Variants in SLIT3 observed in about 807,000 individuals in gnomAD.
The protein encoded by SLIT3 is slit guidance ligand 3.
Under a neutral mutation model 184.0 loss-of-function variants are expected in SLIT3, and 68 were observed. The observed-to-expected ratio is 0.37, with a 90% CI of 0.30 to 0.45. The LOEUF is 0.45. SLIT3 is among the 20% of genes least tolerant of loss of function. The probability of loss-of-function intolerance (pLI) is 1.00; values close to 1 mark genes in which losing one functional copy is unlikely to be tolerated. For synonymous variants in SLIT3, 831 were observed against 828.6 expected, an observed-to-expected ratio of 1.00 and a Z score of -0.05; for missense variants, 1,707 against 2,026.0, an observed-to-expected ratio of 0.84 and a Z score of 3.02.
chr5:168,671,194 T>C lies in SLIT3; in HGVS notation c.4127+4A>G, dbSNP rs542165414. ...CACACAGCCAGGGCTCCTGGGACAC[T>C]GACCTGTGGCCGAGGCAGGGGTCCC... On this transcript the variant is annotated splice_donor_region_variant and intron_variant, in intron 34 of 35. Coordinates refer to ENST00000519560, the MANE Select transcript of SLIT3 (RefSeq NM_003062.4). 1.9e-6 allele frequency: 3 copies of C among 1,604,140 alleles called. No homozygotes were observed. Among genetic ancestry groups the C allele is most frequent in the East Asian group, 2.2e-5 (1 of 44,618 alleles).
At chr5:169,079,919 G>C (rs1168339164) in intron 4 of SLIT3, among the ~76,000 whole-genome samples, 2 of 148,102 alleles carry the variant, frequency 1.4e-5, no homozygotes, top group Non-Finnish European at 3.0e-5. Flanking sequence ...AGAGGAGGAA[G>C]AGGAATGGCA....
rs1311343074 is a variant in SLIT3 at position 169,301,043 on chromosome 5, G to A, written c.-334C>T. Reference sequence around the variant, plus strand: ...AGCGCAATGGGGCGTGGCGCCCGGGGAGGTCCGGCTTGGGGCTGGGCTGGG... The same window carrying A: ...AGCGCAATGGGGCGTGGCGCCCGGGAAGGTCCGGCTTGGGGCTGGGCTGGG... On this transcript the variant is annotated 5_prime_UTR_variant, in exon 1 of 36. Coordinates refer to ENST00000519560, the MANE Select transcript of SLIT3 (RefSeq NM_003062.4). 6.5e-6 allele frequency: 1 copy of A among 154,550 alleles called. No individual in the cohort carries two copies. The highest frequency in any genetic ancestry group is 2.4e-5 in the African/African-American group (1 of 41,434). 9.6% of individuals were successfully genotyped at this position (154,550 alleles called of 1,614,324 possible).
chr5:169,174,722 A>G (rs939867067), intron 4 of SLIT3, among the ~76,000 whole-genome samples: 1 of 152,132 alleles, frequency 6.6e-6, no homozygotes, highest in African/African-American at 2.4e-5. Flanking sequence ...ATCTATGAAA[A>G]ATCCAGGAGA....
At chr5:169,244,813 C>G (rs1289464953) in intron 2 of SLIT3, 37 bp from the exon 3 acceptor site, 2 of 1,592,898 alleles carry the variant, frequency 1.3e-6, no homozygotes, top group South Asian at 2.2e-5. Context: ...AAGGACAAAG[C>G]TGGGCTCAGG....
At chr5:168,869,996 C>A (rs1046014945) in intron 5 of SLIT3, among the ~76,000 whole-genome samples, 12 of 152,228 alleles carry the variant, frequency 7.9e-5, no homozygotes, top group Non-Finnish European at 2.9e-5. Flanking sequence ...GTGGCAGACA[C>A]AGAAGTGCTC....
At chr5:168,732,548 T>G (rs916332812) in intron 20 of SLIT3, among the ~76,000 whole-genome samples, 4 of 152,140 alleles carry the variant, frequency 2.6e-5, no homozygotes, top group African/African-American at 4.8e-5. Context: ...GCTGGAGGCA[T>G]CATATTACCT....
At chr5:168,982,874 GAGTGT>G (rs1754997922) in intron 4 of SLIT3, among the ~76,000 whole-genome samples, 1 of 152,152 alleles carries the variant, frequency 6.6e-6, no homozygotes. Flanking sequence ...GATATTTCTG[GAGTGT>G]AATCTTGTTA....
At chr5:168,878,587 G>A (rs1759828193) in intron 5 of SLIT3, among the ~76,000 whole-genome samples, 1 of 152,230 alleles carries the variant, frequency 6.6e-6, no homozygotes, top group African/African-American at 2.4e-5. Context: ...AGATGGTTGG[G>A]TGTGTTACTG....
At chr5:169,295,083 T>G (rs1302892252) in intron 1 of SLIT3, among the ~76,000 whole-genome samples, 2 of 152,222 alleles carry the variant, frequency 1.3e-5, no homozygotes, top group East Asian at 3.9e-4. Context: ...GTAGACTTTG[T>G]CAACACTATA....
In SLIT3 at chr5:169,259,722, G is replaced by T. The variant is rs905802486; in HGVS notation, c.198-8263C>A. Reference sequence around the variant, plus strand: ...TGATGTCTAGGAGATCCTTGTGATGGGTAGGAGGCTGAACTACATGACCTA... The same window carrying T: ...TGATGTCTAGGAGATCCTTGTGATGTGTAGGAGGCTGAACTACATGACCTA... On this transcript the variant is annotated intron_variant, in intron 1 of 35. Coordinates refer to ENST00000519560, the MANE Select transcript of SLIT3 (RefSeq NM_003062.4). Among the ~76,000 whole-genome samples, 7 of 152,158 alleles carry T rather than the reference G, an allele frequency of 4.6e-5. No homozygotes were observed. In the East Asian group the frequency reaches 1.3e-3, roughly 29 times the overall value.
chr5:168,853,980 G>A (rs1295972676), intron 5 of SLIT3, among the ~76,000 whole-genome samples: 5 of 152,094 alleles, frequency 3.3e-5, no homozygotes, highest in Non-Finnish European at 7.3e-5. Context: ...AGGGCCCTTC[G>A]GTCATCCCTT....
intron 5 of SLIT3, among the ~76,000 whole-genome samples, chr5:168,871,266 A>G (rs570973885): frequency 6.6e-6 from 1 of 152,276 alleles, no homozygotes; most frequent in Admixed American, 6.5e-5. Flanking sequence ...AGGATAATCT[A>G]TCCACTTGAA....
At chr5:169,004,570 ATTC>A (rs1420889856) in intron 4 of SLIT3, among the ~76,000 whole-genome samples, 1 of 152,114 alleles carries the variant, frequency 6.6e-6, no homozygotes, top group African/African-American at 2.4e-5. Flanking sequence ...CTGAGTGAAA[ATTC>A]TGCCTCTGCG....
chr5:169,220,191 C>G (rs1180282363), intron 3 of SLIT3, among the ~76,000 whole-genome samples: 1 of 152,130 alleles, frequency 6.6e-6, no homozygotes, highest in Non-Finnish European at 1.5e-5. Flanking sequence ...GCTCTGGACA[C>G]CACAGTGCCC....
chr5:169,141,749 A>G (rs1335076983), intron 4 of SLIT3, among the ~76,000 whole-genome samples: 1 of 139,512 alleles, frequency 7.2e-6, no homozygotes, highest in Non-Finnish European at 1.5e-5. Context: ...AAAAAAAGAA[A>G]AAAAAAAAAG....
intron 3 of SLIT3, among the ~76,000 whole-genome samples, chr5:169,207,013 T>A (rs1764091475): frequency 6.6e-6 from 1 of 151,346 alleles, no homozygotes; most frequent in South Asian, 2.1e-4. Flanking sequence ...GATTGCATTG[T>A]CACTTCGATC....
chr5:169,081,770 C>T (rs772977971), intron 4 of SLIT3, among the ~76,000 whole-genome samples: 8 of 152,136 alleles, frequency 5.3e-5, no homozygotes, highest in African/African-American at 7.2e-5. Context: ...GAATAACCCC[C>T]GAATGTATTT....
chr5:169,203,214 A>G (rs1763958215), intron 3 of SLIT3, among the ~76,000 whole-genome samples: 1 of 152,174 alleles, frequency 6.6e-6, no homozygotes, highest in Admixed American at 6.5e-5. Flanking sequence ...TTTATCTAGG[A>G]CTAAAGTCAA....
At chr5:169,208,896 C>A (rs1764161898) in intron 3 of SLIT3, among the ~76,000 whole-genome samples, 1 of 152,102 alleles carries the variant, frequency 6.6e-6, no homozygotes, top group African/African-American at 2.4e-5. Flanking sequence ...TAGGCATGGG[C>A]AAAGAGTTAA....
Sources: gnomAD v4.1 joint callset for allele counts (sites outside exome capture counted in the v4.1 genomes callset) on GRCh38, gnomAD v4.1.1 for gene constraint, MANE v1.5 for transcripts, NCBI Gene and HGNC (gene_info 2026-07-23, HGNC 2026-07-21) for gene names.